DDR2: variants seen among roughly 807,000 people sequenced by gnomAD.
The protein encoded by DDR2 is discoidin domain-containing receptor 2.
In DDR2, 27 loss-of-function variants were observed where a neutral mutation model predicts 94.9. The observed-to-expected ratio is 0.28, with a 90% CI of 0.21 to 0.39. The LOEUF is 0.39. Ranked by LOEUF, DDR2 falls within the 10% of genes least tolerant of loss-of-function variation. The pLI, the probability that DDR2 is intolerant of heterozygous loss-of-function variation, is 1.00. For synonymous variants in DDR2, 382 were observed against 377.2 expected, an observed-to-expected ratio of 1.01 and a Z score of -0.15; for missense variants, 783 against 1,076.0, an observed-to-expected ratio of 0.73 and a Z score of 3.81.
chr1:162,660,387 T>TAA (rs72510550), intron 2 of DDR2, among the ~76,000 whole-genome samples: 126,178 of 151,876 alleles, frequency 0.83, 53,074 homozygotes, highest in Middle Eastern at 0.93. Flanking sequence ...GCTCCAATAT[T>TAA]GTCTTGTAGA....
At chr1:162,642,150 T>C (rs1008763668) in intron 1 of DDR2, among the ~76,000 whole-genome samples, 2 of 151,504 alleles carry the variant, frequency 1.3e-5, no homozygotes, top group Non-Finnish European at 2.9e-5. Context: ...AGAGACAGGG[T>C]TTCACCATGT....
intron 2 of DDR2, among the ~76,000 whole-genome samples, chr1:162,689,248 A>G (rs1380680230): frequency 6.6e-6 from 1 of 152,196 alleles, no homozygotes. Context: ...ATGAATGTCT[A>G]TTGTGTGAGG....
intron 9 of DDR2, among the ~76,000 whole-genome samples, chr1:162,763,825 G>A (rs1663869136): frequency 6.6e-6 from 1 of 152,030 alleles, no homozygotes; most frequent in Admixed American, 6.6e-5. Context: ...TCAAATTAAA[G>A]ATAAGGTTTT....
intron 3 of DDR2, among the ~76,000 whole-genome samples, chr1:162,727,601 T>TC (rs1163388285): frequency 6.7e-6 from 1 of 149,416 alleles, no homozygotes; most frequent in Non-Finnish European, 1.5e-5. Flanking sequence ...ACTTCCTTTT[T>TC]CCCCCTCCCT....
At chr1:162,732,814 T>A (rs1037428339) in intron 3 of DDR2, among the ~76,000 whole-genome samples, 4 of 152,230 alleles carry the variant, frequency 2.6e-5, no homozygotes, top group African/African-American at 9.6e-5. Flanking sequence ...AGTAGTGAGA[T>A]GGTAAACATT....
intron 2 of DDR2, among the ~76,000 whole-genome samples, chr1:162,702,580 A>T (rs891196487): frequency 6.6e-6 from 1 of 152,218 alleles, no homozygotes; most frequent in Non-Finnish European, 1.5e-5. Flanking sequence ...TTGGTGTTAC[A>T]TGCAGTTTAA....
chr1:162,695,075 TA>T (rs929765650), intron 2 of DDR2, among the ~76,000 whole-genome samples: 27 of 150,786 alleles, frequency 1.8e-4, no homozygotes, highest in African/African-American at 3.2e-4. Context: ...ACTTAATTGC[TA>T]AAAAAAAAAT....
Position 162,780,444 on chromosome 1 carries a change from A to G in DDR2, c.*198A>G, listed in dbSNP as rs1205839382. Reference sequence around the variant, plus strand: ...ACTTTTTTTTTTTTTTACATTAAAGAACTAAAAAAGGAAAAAAAAAAGCCT... The same window carrying G: ...ACTTTTTTTTTTTTTTACATTAAAGGACTAAAAAAGGAAAAAAAAAAGCCT... On this transcript the variant is annotated 3_prime_UTR_variant, in exon 18 of 18. Coordinates refer to ENST00000367921, the MANE Select transcript of DDR2 (RefSeq NM_006182.4). 1 of 695,660 alleles carries G rather than the reference A, an allele frequency of 1.4e-6. No homozygotes were observed. Among genetic ancestry groups the G allele is most frequent in the African/African-American group, 1.8e-5 (1 of 55,164 alleles). 43.1% of individuals were successfully genotyped at this position (695,660 alleles called of 1,614,324 possible). A position where few individuals can be genotyped will look rare whatever the true frequency, so the allele number is the denominator to read the frequency against.
At position 162,691,461 on chromosome 1, in the gene DDR2, G is replaced by A. The variant is rs117759249; in HGVS notation, c.-27-27576G>A. Among the ~76,000 whole-genome samples the A allele has an allele frequency of 2.2e-3, 331 of 152,282 alleles. 6 individuals are homozygous for A. The East Asian group carries it at 0.035, about 16-fold the overall frequency. On this transcript the variant is annotated intron_variant, in intron 2 of 17. Transcript: ENST00000367921. The stretch of plus-strand genomic sequence containing the variant: ...AGAGAGCAGGATTCTCATAATGATT[G>A]TTCAAAGAATTTATTTATGTGGAGT...
intron 2 of DDR2, among the ~76,000 whole-genome samples, chr1:162,706,302 C>T (rs1036215859): frequency 2.0e-5 from 3 of 152,222 alleles, no homozygotes; most frequent in African/African-American, 7.2e-5. Flanking sequence ...AAGACCATGA[C>T]AAGACCCTTT....
chr1:162,720,077 A>G (rs1661350445), intron 3 of DDR2, among the ~76,000 whole-genome samples: 1 of 152,200 alleles, frequency 6.6e-6, no homozygotes, highest in African/African-American at 2.4e-5. Flanking sequence ...CCAAGCCCAG[A>G]GTCAGAGTGG....
intron 2 of DDR2, among the ~76,000 whole-genome samples, chr1:162,675,399 G>A (rs943641786): frequency 2.6e-5 from 4 of 152,158 alleles, no homozygotes; most frequent in East Asian, 1.9e-4. Flanking sequence ...GTGAGGGGAC[G>A]ATGGCGGGAC....
chr1:162,674,838 A>G lies in DDR2; in HGVS notation c.-28+19464A>G, dbSNP rs556181418. On this transcript the variant is annotated intron_variant, in intron 2 of 17. Transcript: ENST00000367921. Reference sequence around the variant, plus strand: ...TGGGAGGGATAAAAATGGCACAACTAAATTTTCATGATTTGGATAAGAAGA... The same window carrying G: ...TGGGAGGGATAAAAATGGCACAACTGAATTTTCATGATTTGGATAAGAAGA... 2.6e-5 allele frequency among the ~76,000 whole-genome samples: 4 copies of G among 152,302 alleles called. No individual in the cohort carries two copies. The East Asian group carries it at 7.7e-4, about 29-fold the overall frequency.
chr1:162,660,272 C>T (rs546526668), intron 2 of DDR2, among the ~76,000 whole-genome samples: 7 of 152,238 alleles, frequency 4.6e-5, no homozygotes, highest in Non-Finnish European at 7.4e-5. Flanking sequence ...CAAACATTTT[C>T]GCTTTTGTGT....
At chr1:162,719,274 G>A (rs1398137408) in intron 3 of DDR2, 129 bp downstream of exon 3, 1 of 1,516,242 alleles carries the variant, frequency 6.6e-7, no homozygotes, top group Non-Finnish European at 8.9e-7. Flanking sequence ...TCTCCATGGT[G>A]AAATATGACT....
intron 1 of DDR2, among the ~76,000 whole-genome samples, chr1:162,634,518 C>T (rs376387796): frequency 6.1e-4 from 93 of 152,276 alleles, no homozygotes; most frequent in African/African-American, 2.2e-3. Context: ...CTGGGTCTGG[C>T]AGTTGGTGCT....
chr1:162,689,337 A>G (rs1412339996), intron 2 of DDR2, among the ~76,000 whole-genome samples: 1 of 152,208 alleles, frequency 6.6e-6, no homozygotes, highest in Non-Finnish European at 1.5e-5. Context: ...TGGTAAGGGC[A>G]GTTATTAAGC....
At chr1:162,694,700 TA>T (rs1049772122) in intron 2 of DDR2, among the ~76,000 whole-genome samples, 34 of 152,258 alleles carry the variant, frequency 2.2e-4, no homozygotes, top group African/African-American at 7.7e-4. Context: ...CAATAAATAT[TA>T]AAAAAAGAAT....
At chr1:162,702,179 G>A (rs983134034) in intron 2 of DDR2, among the ~76,000 whole-genome samples, 6 of 152,016 alleles carry the variant, frequency 3.9e-5, no homozygotes, top group East Asian at 1.9e-4. Flanking sequence ...CTCACGTGGC[G>A]TTGTTGTGCA....
Sources: allele counts gnomAD v4.1 joint callset (sites outside exome capture counted in the v4.1 genomes callset), GRCh38; gene constraint gnomAD v4.1.1; transcripts MANE v1.5; gene names NCBI Gene and HGNC (gene_info 2026-07-23, HGNC 2026-07-21).